The following TASP1 variants were observed in gnomAD, a reference collection of about 807,000 sequenced individuals.
The protein encoded by TASP1 is taspase 1, also known as threonine aspartase 1.
In TASP1, 16 loss-of-function variants were observed where a neutral mutation model predicts 56.6. That is an observed-to-expected ratio of 0.28 (90% CI 0.19 to 0.43). TASP1 has a LOEUF of 0.43. Ranked by LOEUF, TASP1 falls within the 20% of genes least tolerant of loss-of-function variation. The pLI, the probability that TASP1 is intolerant of heterozygous loss-of-function variation, is 1.00. For missense variants in TASP1, 393 were observed against 511.6 expected (o/e 0.77, Z 2.24); for synonymous variants, 179 against 184.2 (o/e 0.97, Z 0.23).
chr20:13,246,880 TCTC>T, the TASP1 span, among the ~76,000 whole-genome samples: 1 of 151,986 alleles, frequency 6.6e-6, no homozygotes, highest in Non-Finnish European at 1.5e-5. Flanking sequence ...AATATCCTTC[TCTC>T]TTTTTTTTTT....
the TASP1 span, among the ~76,000 whole-genome samples, chr20:13,240,171 G>C: frequency 6.6e-6 from 1 of 152,164 alleles, no homozygotes; most frequent in Non-Finnish European, 1.5e-5. Flanking sequence ...TTCATATCGC[G>C]TGGCTGTGAT....
the TASP1 span, among the ~76,000 whole-genome samples, chr20:13,157,033 G>C: frequency 6.6e-6 from 1 of 152,142 alleles, no homozygotes; most frequent in African/African-American, 2.4e-5. Flanking sequence ...TAATATCACA[G>C]AGTACTAAAT....
chr20:13,415,908 G>C (rs2042238773), intron 13 of TASP1, among the ~76,000 whole-genome samples: 1 of 152,124 alleles, frequency 6.6e-6, no homozygotes, highest in African/African-American at 2.4e-5. Flanking sequence ...AACTGAAATG[G>C]CTTCAAGCTA....
the TASP1 span, among the ~76,000 whole-genome samples, chr20:13,290,744 C>T: frequency 6.6e-6 from 1 of 152,104 alleles, no homozygotes; most frequent in Admixed American, 6.5e-5. Flanking sequence ...TTTTTGAGTA[C>T]TTAAGTGTCA....
the TASP1 span, among the ~76,000 whole-genome samples, chr20:13,249,795 GT>G: frequency 1.3e-5 from 1 of 75,444 alleles, no homozygotes. Context: ...GTTTTGTTTT[GT>G]TTTGTTTTGT....
At chr20:13,277,757 T>G in the TASP1 span, among the ~76,000 whole-genome samples, 3 of 151,918 alleles carry the variant, frequency 2.0e-5, no homozygotes, top group Admixed American at 1.3e-4. Flanking sequence ...AAGCTAGTAG[T>G]GCCCTTCTAG....
At chr20:13,277,842 T>G in the TASP1 span, among the ~76,000 whole-genome samples, 1 of 152,140 alleles carries the variant, frequency 6.6e-6, no homozygotes, top group Non-Finnish European at 1.5e-5. Flanking sequence ...AAAGTCACCC[T>G]CTTGACCATG....
intron 5 of TASP1, among the ~76,000 whole-genome samples, chr20:13,582,655 A>G (rs1445190827): frequency 6.6e-6 from 1 of 152,202 alleles, no homozygotes; most frequent in African/African-American, 2.4e-5. Flanking sequence ...TCAGAAACAA[A>G]CACTTTTGAA....
chr20:13,136,767 G>C, the TASP1 span, among the ~76,000 whole-genome samples: 1 of 148,344 alleles, frequency 6.7e-6, no homozygotes, highest in East Asian at 2.0e-4. Flanking sequence ...GAGGAATTTG[G>C]CAGGAAGAAA....
At chr20:13,288,811 G>GTC in the TASP1 span, 1 of 930,788 alleles carries the variant, frequency 1.1e-6, no homozygotes, top group Non-Finnish European at 1.6e-6. Context: ...TTGAGACGGA[G>GTC]TCTCTCCCTG....
intron 6 of TASP1, among the ~76,000 whole-genome samples, chr20:13,572,851 C>T (rs1252952020): frequency 1.3e-5 from 2 of 152,070 alleles, no homozygotes; most frequent in East Asian, 3.8e-4. Flanking sequence ...GCGAACCTCC[C>T]ATTTTCAAAG....
the TASP1 span, among the ~76,000 whole-genome samples, chr20:13,369,584 A>C: frequency 6.6e-6 from 1 of 152,348 alleles, no homozygotes; most frequent in East Asian, 1.9e-4. Context: ...GTTGGCAATA[A>C]ATGTAGTAGT....
chr20:13,203,312 C>T, the TASP1 span, among the ~76,000 whole-genome samples: 2 of 152,042 alleles, frequency 1.3e-5, no homozygotes, highest in Non-Finnish European at 2.9e-5. Flanking sequence ...ATTATAAGCT[C>T]GATAATGCCA....
chr20:13,157,273 CA>C, the TASP1 span, among the ~76,000 whole-genome samples: 7 of 143,630 alleles, frequency 4.9e-5, no homozygotes, highest in Admixed American at 7.0e-5. Flanking sequence ...ACTAAAAGTA[CA>C]AAAAAAAAAA....
chr20:13,425,768 T>A (rs1345053436), intron 12 of TASP1, among the ~76,000 whole-genome samples: 1 of 152,122 alleles, frequency 6.6e-6, no homozygotes, highest in Admixed American at 6.5e-5. Context: ...CACTGTAGAT[T>A]TTTGCCCCTG....
chr20:13,313,493 T>C, the TASP1 span, among the ~76,000 whole-genome samples: 1 of 152,202 alleles, frequency 6.6e-6, no homozygotes, highest in African/African-American at 2.4e-5. Flanking sequence ...TTCCATTTTC[T>C]GTACAACACT....
In TASP1 at chr20:13,515,324, C is replaced by T. The variant is rs145691724; in HGVS notation, c.874+13109G>A. Among the ~76,000 whole-genome samples, 494 of 152,108 alleles carry T rather than the reference C, an allele frequency of 3.2e-3. 2 individuals are homozygous for T. The highest frequency in any genetic ancestry group is 0.012 in the East Asian group (60 of 5,170). On this transcript the variant is annotated intron_variant, in intron 10 of 13. Transcript: ENST00000337743. The stretch of plus-strand genomic sequence containing the variant: ...CCAGATCATCTTAGCTTTAGATGCA[C>T]CAAAACACAATGAGGAAAGCAACTG...
intron 3 of TASP1, among the ~76,000 whole-genome samples, chr20:13,624,116 G>T (rs1352547507): frequency 1.3e-5 from 2 of 152,160 alleles, no homozygotes; most frequent in African/African-American, 4.8e-5. Context: ...GAGGAAAAGA[G>T]AGAGAAGGAA....
At chr20:13,287,140 G>A in the TASP1 span, among the ~76,000 whole-genome samples, 25 of 152,294 alleles carry the variant, frequency 1.6e-4, no homozygotes, top group African/African-American at 5.5e-4. Context: ...TTCTCATACT[G>A]CTCATGAAGA....
Sources: allele counts gnomAD v4.1 joint callset (sites outside exome capture counted in the v4.1 genomes callset), GRCh38; gene constraint gnomAD v4.1.1; transcripts MANE v1.5; gene names NCBI Gene and HGNC (gene_info 2026-07-23, HGNC 2026-07-21).